FRAS1: variants seen among roughly 807,000 people sequenced by gnomAD.
FRAS1 encodes Fraser extracellular matrix complex subunit 1, also known as extracellular matrix organizing protein FRAS1.
FRAS1 carries 290 observed loss-of-function variants against 435.2 expected under a neutral mutation model. The ratio of observed to expected loss-of-function variants is 0.67; its 90% CI spans 0.61 to 0.73. FRAS1 has a LOEUF of 0.73. Among genes scored for constraint, FRAS1 ranks in the 30% least tolerant of loss-of-function variants. The pLI, the probability that FRAS1 is intolerant of heterozygous loss-of-function variation, is 0.00. For missense variants in FRAS1, 4,860 were observed against 5,001.5 expected, an observed-to-expected ratio of 0.97 and a Z score of 0.85; for synonymous variants, 1,800 against 1,851.0, an observed-to-expected ratio of 0.97 and a Z score of 0.71.
At chr4:78,206,888 T>G (rs1395112699) in intron 2 of FRAS1, among the ~76,000 whole-genome samples, 2 of 152,226 alleles carry the variant, frequency 1.3e-5, no homozygotes, top group Non-Finnish European at 1.5e-5. Flanking sequence ...TCCTGCTTCC[T>G]TTGTGGAAAT....
At chr4:78,436,034 T>G (rs1734413648) in intron 38 of FRAS1, among the ~76,000 whole-genome samples, 1 of 152,144 alleles carries the variant, frequency 6.6e-6, no homozygotes, top group Non-Finnish European at 1.5e-5. Context: ...TAAATTTGAC[T>G]ATATTAAAAA....
chr4:78,211,772 G>C (rs1037801399), intron 2 of FRAS1, among the ~76,000 whole-genome samples: 3 of 152,176 alleles, frequency 2.0e-5, no homozygotes, highest in African/African-American at 7.2e-5. Context: ...TCATGGTGTT[G>C]TGCAACCATC....
At position 78,451,865 on chromosome 4, in the gene FRAS1, A is replaced by G. The variant is rs1719032330; in HGVS notation, c.6557A>G (p.Asp2186Gly). ...GATGGAGAAGGCAACAGATTGATTG[A>G]CAAGTCATTTTCCATCAGCATTCTA... The part of the protein sequence containing the change: ...VVDGEGNRLI[D>G]KSFSISILED... Residue 2186 changes from aspartate (D) to glycine (G), a missense_variant, in exon 46 of 74, where the codon GAC becomes GGC. By Grantham distance (94) the Asp-to-Gly change is moderately conservative. Transcript: ENST00000512123. 6.2e-7 allele frequency: 1 copy of G among 1,612,814 alleles called. No individual in the cohort carries two copies. The highest frequency in any genetic ancestry group is 8.5e-7 in the Non-Finnish European group (1 of 1,179,442).
chr4:78,514,759 T>C (rs1721151706), intron 65 of FRAS1, among the ~76,000 whole-genome samples: 1 of 152,170 alleles, frequency 6.6e-6, no homozygotes, highest in South Asian at 2.1e-4. Flanking sequence ...CTACAGTTGC[T>C]TTTAGTACTA....
At chr4:78,411,157 C>T (rs943136955) in intron 31 of FRAS1, among the ~76,000 whole-genome samples, 1 of 145,098 alleles carries the variant, frequency 6.9e-6, no homozygotes, top group African/African-American at 2.6e-5. Flanking sequence ...GTTGCCCAGG[C>T]TGGAGTACAG....
intron 71 of FRAS1, among the ~76,000 whole-genome samples, chr4:78,536,046 G>A (rs1721869997): frequency 6.6e-6 from 1 of 152,122 alleles, no homozygotes; most frequent in Admixed American, 6.5e-5. Flanking sequence ...TTAAAAATGG[G>A]AATAATAATT....
intron 2 of FRAS1, among the ~76,000 whole-genome samples, chr4:78,200,814 C>G (rs1241708118): frequency 1.4e-5 from 2 of 144,522 alleles, no homozygotes; most frequent in Non-Finnish European, 1.5e-5. Flanking sequence ...GGGGAGATGC[C>G]TCTGCTTATG....
At chr4:78,254,704 A>T (rs1725706561) in intron 5 of FRAS1, among the ~76,000 whole-genome samples, 1 of 152,088 alleles carries the variant, frequency 6.6e-6, no homozygotes, top group South Asian at 2.1e-4. Flanking sequence ...AATTTGCAAA[A>T]ATGTAGGGTC....
intron 32 of FRAS1, among the ~76,000 whole-genome samples, chr4:78,416,865 G>A (rs1440237944): frequency 6.6e-6 from 1 of 152,116 alleles, no homozygotes; most frequent in African/African-American, 2.4e-5. Context: ...TTAATCCTGG[G>A]GAGAGACTGT....
chr4:78,165,138 C>T (rs572838446), intron 2 of FRAS1, among the ~76,000 whole-genome samples: 2 of 152,284 alleles, frequency 1.3e-5, no homozygotes, highest in South Asian at 2.1e-4. Flanking sequence ...AAACTGAGAG[C>T]TTTCTGAGCT....
At chr4:78,315,866 T>A (rs534962351) in intron 16 of FRAS1, 132 bp downstream of exon 16, 8 of 1,008,894 alleles carry the variant, frequency 7.9e-6, no homozygotes, top group South Asian at 5.6e-5. Context: ...GATAGCTTTT[T>A]TCATTATGAA....
intron 2 of FRAS1, among the ~76,000 whole-genome samples, chr4:78,142,563 T>C (rs1462137736): frequency 6.6e-6 from 1 of 152,014 alleles, no homozygotes. Context: ...AAAATAACTA[T>C]GATTAATATG....
At chr4:78,097,249 A>C (rs1275040718) in intron 2 of FRAS1, among the ~76,000 whole-genome samples, 1 of 152,206 alleles carries the variant, frequency 6.6e-6, no homozygotes, top group Admixed American at 6.5e-5. Context: ...TATCATTATC[A>C]GCATTTTGGT....
intron 58 of FRAS1, among the ~76,000 whole-genome samples, chr4:78,483,766 A>ACC (rs1430824808): frequency 1.4e-4 from 3 of 20,938 alleles, no homozygotes; most frequent in African/African-American, 3.0e-4. Context: ...AGAAAAAAAA[A>ACC]ACTCTCTCTC....
At position 78,245,328 on chromosome 4, in the gene FRAS1, A is replaced by T. The variant is rs1266911152; in HGVS notation, c.309+3A>T. 3 of 1,584,986 alleles carry T rather than the reference A, an allele frequency of 1.9e-6. No individual in the cohort carries two copies. The highest frequency in any genetic ancestry group is 3.4e-5 in the Admixed American group (2 of 57,982). ...ATCATGAAAAGAAAATCCATGAGGT[A>T]AGTGTTTTCTGACTCACGGTTGATT... On this transcript the variant is annotated splice_donor_region_variant and intron_variant, in intron 4 of 73. Transcript: ENST00000512123.
intron 27 of FRAS1, among the ~76,000 whole-genome samples, chr4:78,380,523 C>T (rs978101573): frequency 6.6e-6 from 1 of 152,198 alleles, no homozygotes; most frequent in African/African-American, 2.4e-5. Flanking sequence ...ACACTTCTGG[C>T]TGCCTTCCCC....
chr4:78,540,413 A>G (rs1722011350), intron 73 of FRAS1, 118 bp from the exon 74 acceptor site: 1 of 571,518 alleles, frequency 1.7e-6, no homozygotes, highest in Non-Finnish European at 2.9e-6. Context: ...AACCATTGCT[A>G]ATGCTTTTCT....
chr4:78,160,280 A>C lies in FRAS1; in HGVS notation c.109-77230A>C, dbSNP rs1348350149. On this transcript the variant is annotated intron_variant, in intron 2 of 73. Coordinates refer to ENST00000512123, the MANE Select transcript of FRAS1 (RefSeq NM_025074.7). ...AATGCAAGAGTTCCATAAGTTACAA[A>C]CTGGAGGACTACAGGTCAAGCGTGT... 2.0e-5 allele frequency among the ~76,000 whole-genome samples: 3 copies of C among 152,232 alleles called. No individual in the cohort carries two copies. The South Asian group carries it at 6.2e-4, about 32-fold the overall frequency.
intron 6 of FRAS1, among the ~76,000 whole-genome samples, chr4:78,264,679 C>A (rs1726266633): frequency 6.6e-6 from 1 of 152,178 alleles, no homozygotes; most frequent in Admixed American, 6.5e-5. Context: ...CTTTACTATT[C>A]TCTTTTGTAA....
Sources: gnomAD v4.1 joint callset for allele counts (sites outside exome capture counted in the v4.1 genomes callset) on GRCh38, gnomAD v4.1.1 for gene constraint, MANE v1.5 for transcripts, NCBI Gene and HGNC (gene_info 2026-07-23, HGNC 2026-07-21) for gene names.